The following SYNE2 variants were observed in gnomAD, a reference collection of about 807,000 sequenced individuals.
SYNE2 encodes the protein spectrin repeat containing nuclear envelope protein 2.
In SYNE2, 431 loss-of-function variants were observed where a neutral mutation model predicts 856.3. That is an observed-to-expected ratio of 0.50 (90% CI 0.47 to 0.55). SYNE2 has a LOEUF of 0.55. SYNE2 is among the 20% of genes least tolerant of loss of function. The pLI is 0.00. For missense variants in SYNE2, 8,129 were observed against 8,023.2 expected, an observed-to-expected ratio of 1.01 and a Z score of -0.50; for synonymous variants, 2,923 against 2,872.3, an observed-to-expected ratio of 1.02 and a Z score of -0.56.
rs1485502462 is a variant in SYNE2, at chr14:64,211,687, G to A, written c.18724-274G>A. On this transcript the variant is annotated intron_variant, in intron 103 of 115. Coordinates refer to ENST00000555002, the MANE Select transcript of SYNE2 (RefSeq NM_182914.3). ...ATTTCAAATGCTTAAGGACCTCAGA[G>A]ACCATAATCAACATTCCCACTCTCT... Among the ~76,000 whole-genome samples the A allele has an allele frequency of 2.0e-5, 3 of 152,232 alleles. No individual in the cohort carries two copies. In the East Asian group the frequency reaches 5.8e-4, roughly 29 times the overall value.
intron 112 of SYNE2, 29 bp from the exon 113 acceptor site, chr14:64,223,160 A>G (rs372812979): frequency 1.9e-6 from 3 of 1,612,336 alleles, no homozygotes; most frequent in Non-Finnish European, 2.5e-6. Flanking sequence ...TGGACAGGTC[A>G]CTGTTTCACA....
At chr14:64,203,065 C>G (rs1596196539) in intron 100 of SYNE2, 102 bp downstream of exon 100, 1 of 1,450,946 alleles carries the variant, frequency 6.9e-7, no homozygotes, top group Middle Eastern at 2.2e-4. Flanking sequence ...TGCTCACATT[C>G]CATAACATTG....
intron 2 of SYNE2, among the ~76,000 whole-genome samples, chr14:63,931,482 G>A (rs2095754229): frequency 6.6e-6 from 1 of 151,372 alleles, no homozygotes; most frequent in Admixed American, 6.6e-5. Flanking sequence ...CCTGGGAGGC[G>A]GAGGTTGCAG....
At chr14:64,073,861 T>G in intron 52 of SYNE2, 107 bp from the exon 53 acceptor site, 2 of 1,228,134 alleles carry the variant, frequency 1.6e-6, no homozygotes, top group Non-Finnish European at 2.4e-6. Context: ...ATAACCATCC[T>G]TTAGTAGCTA....
intron 108 of SYNE2, among the ~76,000 whole-genome samples, chr14:64,218,058 C>A (rs1450263125): frequency 6.6e-6 from 1 of 152,196 alleles, no homozygotes; most frequent in African/African-American, 2.4e-5. Context: ...AACGCAGTAA[C>A]CGTCTGGTAA....
At chr14:64,206,245 G>T (rs1331902581) in intron 100 of SYNE2, among the ~76,000 whole-genome samples, 1 of 152,206 alleles carries the variant, frequency 6.6e-6, no homozygotes, top group Non-Finnish European at 1.5e-5. Flanking sequence ...ATGAACAGGA[G>T]CCTGTTAGAA....
intron 28 of SYNE2, 56 bp from the exon 29 acceptor site, chr14:64,001,878 C>T (rs2153504365): frequency 6.3e-7 from 1 of 1,590,514 alleles, no homozygotes; most frequent in Non-Finnish European, 8.6e-7. Context: ...TAATCAGTTT[C>T]ATAGGATATC....
chr14:63,990,675 G>A, intron 20 of SYNE2, 106 bp downstream of exon 20: 1 of 1,024,308 alleles, frequency 9.8e-7, no homozygotes, highest in Non-Finnish European at 1.5e-6. Context: ...GAAATGTTTT[G>A]TAAAATATTA....
intron 1 of SYNE2, among the ~76,000 whole-genome samples, chr14:63,862,741 A>G (rs1247879596): frequency 6.6e-6 from 1 of 151,808 alleles, no homozygotes; most frequent in East Asian, 1.9e-4. Context: ...GAAGGTAGAT[A>G]TTAGGTTTTG....
chr14:64,115,882 G>A (rs188951168), intron 66 of SYNE2, among the ~76,000 whole-genome samples: 1 of 148,302 alleles, frequency 6.7e-6, no homozygotes, highest in Non-Finnish European at 1.5e-5. Flanking sequence ...GACCAGGAGT[G>A]GTGGCTCACG....
intron 103 of SYNE2, among the ~76,000 whole-genome samples, chr14:64,210,998 T>C (rs2140178477): frequency 6.6e-6 from 1 of 152,236 alleles, no homozygotes. Context: ...CTTTCTTCTT[T>C]CTTGACAGGG....
At chr14:63,942,003 A>T (rs764768612) in intron 5 of SYNE2, 41 bp downstream of exon 5, 1 of 1,598,998 alleles carries the variant, frequency 6.3e-7, no homozygotes, top group Non-Finnish European at 8.6e-7. Context: ...GGAGAGATTA[A>T]TGCTCTGGGA....
chr14:63,802,180 T>C (rs112921923), intron 1 of SYNE2, among the ~76,000 whole-genome samples: 1 of 31,086 alleles, frequency 3.2e-5, no homozygotes, highest in Non-Finnish European at 9.1e-5. Context: ...AATCTTGGCT[T>C]ACTGCAACCT....
At chr14:63,770,223 G>A (rs188041842) in intron 1 of SYNE2, among the ~76,000 whole-genome samples, 7 of 152,062 alleles carry the variant, frequency 4.6e-5, no homozygotes, top group South Asian at 2.1e-4. Context: ...ATGAAATACC[G>A]GGGGAAAGAT....
intron 87 of SYNE2, among the ~76,000 whole-genome samples, chr14:64,161,395 G>A (rs1308317605): frequency 6.6e-6 from 1 of 151,620 alleles, no homozygotes; most frequent in Non-Finnish European, 1.5e-5. Flanking sequence ...GTCTGTATAT[G>A]GAATAATAAA....
chr14:64,124,834 C>T (rs764721970), intron 70 of SYNE2, among the ~76,000 whole-genome samples: 1 of 152,008 alleles, frequency 6.6e-6, no homozygotes, highest in Non-Finnish European at 1.5e-5. Flanking sequence ...AAAGCCCCGT[C>T]GCTACTAAAA....
At chr14:64,213,567 T>G (rs968257) in intron 105 of SYNE2, among the ~76,000 whole-genome samples, 2 of 152,008 alleles carry the variant, frequency 1.3e-5, no homozygotes, top group East Asian at 1.9e-4. Context: ...TGACAACCAT[T>G]GACCGATACG....
At chr14:64,213,059 G>T in intron 105 of SYNE2, 54 bp downstream of exon 105, 1 of 1,598,318 alleles carries the variant, frequency 6.3e-7, no homozygotes. Flanking sequence ...GTTTACGTGA[G>T]ACCAAATTTT....
At chr14:63,901,732 T>C (rs186123235) in intron 1 of SYNE2, among the ~76,000 whole-genome samples, 2 of 152,234 alleles carry the variant, frequency 1.3e-5, no homozygotes, top group Non-Finnish European at 2.9e-5. Flanking sequence ...GAGACCAGCA[T>C]GGGGAATATA....
Sources: allele counts gnomAD v4.1 joint callset (sites outside exome capture counted in the v4.1 genomes callset), GRCh38; gene constraint gnomAD v4.1.1; transcripts MANE v1.5; gene names NCBI Gene and HGNC (gene_info 2026-07-23, HGNC 2026-07-21).